CHEK1: variants seen among roughly 807,000 people sequenced by gnomAD.
CHEK1 encodes the protein serine/threonine-protein kinase Chk1.
CHEK1 carries 32 observed loss-of-function variants against 60.2 expected under a neutral mutation model. That is an observed-to-expected ratio of 0.53 (90% confidence interval 0.40 to 0.71). The LOEUF (loss-of-function observed/expected upper bound fraction) is 0.71. Ranked by LOEUF, CHEK1 falls within the 30% of genes least tolerant of loss-of-function variation. The pLI is 0.00. For synonymous variants in CHEK1, 179 were observed against 187.2 expected (o/e 0.96, Z 0.36); for missense variants, 399 against 564.6 (o/e 0.71, Z 2.97).
chr11:125,674,392 C>T (rs1299525347), intron 13 of CHEK1, among the ~76,000 whole-genome samples: 3 of 152,118 alleles, frequency 2.0e-5, no homozygotes, highest in African/African-American at 7.2e-5. Context: ...GAATTGTTAG[C>T]ATTTCGATTA....
At position 125,656,310 on chromosome 11, in the gene CHEK1, C is replaced by G. The variant is rs1941901061; in HGVS notation, c.*990C>G. 1 of 211,778 alleles carries G rather than the reference C, an allele frequency of 4.7e-6. No individual in the cohort carries two copies. Among genetic ancestry groups the G allele is most frequent in the African/African-American group, 2.3e-5 (1 of 44,164 alleles). 13.1% of individuals were successfully genotyped at this position (211,778 alleles called of 1,614,324 possible). A position where few individuals can be genotyped will look rare whatever the true frequency, so the allele number is the denominator to read the frequency against. ...AGGCTGTAGTGAGCTATGATTGCAC[C>G]AGTGCACTCCAGCTTGGATGACAGA... On this transcript the variant is annotated 3_prime_UTR_variant, in exon 13 of 13. Transcript: ENST00000438015.
intron 13 of CHEK1, chr11:125,672,358 G>GAA: frequency 4.2e-6 from 2 of 475,550 alleles, no homozygotes; most frequent in Admixed American, 3.7e-5. Context: ...GAAATTTATT[G>GAA]AAAAAAAAAT....
chr11:125,628,679 A>G (rs1249890081), intron 3 of CHEK1, among the ~76,000 whole-genome samples: 1 of 152,192 alleles, frequency 6.6e-6, no homozygotes, highest in Non-Finnish European at 1.5e-5. Flanking sequence ...CTAGCTACTT[A>G]GGAGGCAGGA....
chr11:125,665,225 G>GTTTTTT (rs71279470), intron 13 of CHEK1, among the ~76,000 whole-genome samples: 2 of 120,544 alleles, frequency 1.7e-5, no homozygotes, highest in Non-Finnish European at 1.8e-5. Flanking sequence ...CTCCAGCTTT[G>GTTTTTT]TTTTTTTTTT....
At chr11:125,631,898 C>T (rs1940879731) in intron 5 of CHEK1, among the ~76,000 whole-genome samples, 1 of 138,540 alleles carries the variant, frequency 7.2e-6, no homozygotes, top group Non-Finnish European at 1.5e-5. Context: ...AGGGTAATCA[C>T]AGTAGCTACC....
chr11:125,670,215 GATTC>G (rs1196129745), intron 13 of CHEK1, among the ~76,000 whole-genome samples: 1 of 152,118 alleles, frequency 6.6e-6, no homozygotes, highest in African/African-American at 2.4e-5. Context: ...ATCTGTGTAA[GATTC>G]ATTGTCTGTT....
At position 125,654,820 on chromosome 11, in the gene CHEK1, C is replaced by T. The variant is rs147472302; in HGVS notation, c.1336-405C>T. 3.2e-3 allele frequency among the ~76,000 whole-genome samples: 488 copies of T among 152,304 alleles called. 1 individual carries two copies. The highest frequency in any genetic ancestry group is 0.011 in the African/African-American group (463 of 41,564). ...AAGATCGTAGTATAATGAAATTCTT[C>T]TCATAACTAAATCTATTGATTTTGG... is the stretch of plus-strand genomic sequence containing the variant. On this transcript the variant is annotated intron_variant, in intron 12 of 12. Coordinates refer to ENST00000438015, the MANE Select transcript of CHEK1 (RefSeq NM_001114122.3).
At chr11:125,635,829 A>G in intron 7 of CHEK1, 1 of 178,070 alleles carries the variant, frequency 5.6e-6, no homozygotes, top group East Asian at 1.4e-4. Context: ...TTGCAAATAC[A>G]CTCGTTTGTT....
At chr11:125,674,420 T>C (rs1378287867) in intron 13 of CHEK1, among the ~76,000 whole-genome samples, 1 of 152,168 alleles carries the variant, frequency 6.6e-6, no homozygotes, top group Non-Finnish European at 1.5e-5. Flanking sequence ...AAGAGGATAA[T>C]TTCAGGCTGA....
In CHEK1 at chr11:125,635,608, A is replaced by T. The variant is rs1268181551; in HGVS notation, c.718+75A>T. 4 of 972,514 alleles carry T rather than the reference A, an allele frequency of 4.1e-6. No homozygotes were observed. The East Asian group carries it at 8.2e-5, about 20-fold the overall frequency. The allele number at this position is 972,514 out of a possible 1,614,324, so 60.2% of individuals were successfully genotyped here. A position where few individuals can be genotyped will look rare whatever the true frequency, so the allele number is the denominator to read the frequency against. On this transcript the variant is annotated intron_variant, in intron 7 of 12. Coordinates refer to ENST00000438015, the MANE Select transcript of CHEK1 (RefSeq NM_001114122.3). Reference sequence around the variant, plus strand: ...TCTTGTGCTATTTGAATTTTTTCTTACTTTTTTTTTTGTTTTAAACTTACA... The same window carrying T: ...TCTTGTGCTATTTGAATTTTTTCTTTCTTTTTTTTTTGTTTTAAACTTACA...
Position 125,629,141 on chromosome 11 carries a change from A to G in CHEK1, c.290-91A>G, listed in dbSNP as rs112946837. 1.3e-5 allele frequency: 17 copies of G among 1,293,850 alleles called. 1 individual carries two copies. The highest frequency in any genetic ancestry group is 1.2e-4 in the African/African-American group (8 of 68,038). 80.1% of individuals were successfully genotyped at this position (1,293,850 alleles called of 1,614,324 possible). ...CATTTGCTTCTGTTTGCCTAAGCAC[A>G]TTTGTAAATGTCTAAGCTTCAAATT... On this transcript the variant is annotated intron_variant, in intron 3 of 12. Transcript: ENST00000438015.
At chr11:125,662,386 G>A (rs1262901658) in intron 13 of CHEK1, among the ~76,000 whole-genome samples, 1 of 152,118 alleles carries the variant, frequency 6.6e-6, no homozygotes, top group African/African-American at 2.4e-5. Flanking sequence ...ACTTCCCAAA[G>A]TCCCCATTTC....
chr11:125,654,437 TTAATA>T (rs1377812275), intron 12 of CHEK1, among the ~76,000 whole-genome samples: 1 of 152,210 alleles, frequency 6.6e-6, no homozygotes, highest in African/African-American at 2.4e-5. Context: ...TCGAAGCATT[TTAATA>T]TTTTTCTTAA....
chr11:125,644,240 AGTT>A lies in CHEK1; in HGVS notation c.1074_1076del (p.Leu360del). On this transcript the variant is annotated inframe_deletion, in exon 10 of 13. Transcript: ENST00000438015. ...CCTGATCATATGCTTTTGAATAGTC[AGTT>A]ACTTGGCACCCCAGGATCCTCACAG... is the stretch of plus-strand genomic sequence containing the variant. 6.2e-7 allele frequency: 1 copy of A among 1,613,496 alleles called. No individual in the cohort carries two copies. Among genetic ancestry groups the A allele is most frequent in the Non-Finnish European group, 8.5e-7 (1 of 1,179,872 alleles).
At chr11:125,667,191 G>A (rs764653130) in intron 13 of CHEK1, among the ~76,000 whole-genome samples, 1 of 151,840 alleles carries the variant, frequency 6.6e-6, no homozygotes, top group African/African-American at 2.4e-5. Context: ...ACTGTCTATT[G>A]TTCTCATCTT....
chr11:125,670,164 A>G (rs1404134969), intron 13 of CHEK1, among the ~76,000 whole-genome samples: 1 of 152,248 alleles, frequency 6.6e-6, no homozygotes, highest in Non-Finnish European at 1.5e-5. Flanking sequence ...TTAGTACAGT[A>G]AATACAATAA....
downstream of CHEK1, chr11:125,678,402 T>C: frequency 1.4e-6 from 2 of 1,390,394 alleles, no homozygotes; most frequent in Non-Finnish European, 1.9e-6. Context: ...CTAGGTTTCC[T>C]ATGGGCCTAG....
At chr11:125,658,685 C>CTTTTTTTTTTTTTTTTTTTTT (rs67342073), downstream of CHEK1, among the ~76,000 whole-genome samples, 2 of 34,880 alleles carry the variant, frequency 5.7e-5, no homozygotes, top group Admixed American at 5.3e-4. Flanking sequence ...ATGGCTTTTG[C>CTTTTTTTTTTTTTTTTTTTTT]TTTTTTTTTT....
intron 7 of CHEK1, among the ~76,000 whole-genome samples, chr11:125,636,926 G>C (rs1402971604): frequency 6.6e-6 from 1 of 151,818 alleles, no homozygotes; most frequent in African/African-American, 2.4e-5. Context: ...TGTTTTTATG[G>C]CTTCATTTTT....
Sources: allele counts gnomAD v4.1 joint callset (sites outside exome capture counted in the v4.1 genomes callset), GRCh38; gene constraint gnomAD v4.1.1; transcripts MANE v1.5; gene names NCBI Gene and HGNC (gene_info 2026-07-23, HGNC 2026-07-21).